CSMD1: variants seen among roughly 807,000 people sequenced by gnomAD.
The protein encoded by CSMD1 is CUB and sushi domain-containing protein 1.
CSMD1 carries 213 observed loss-of-function variants against 417.5 expected under a neutral mutation model. The observed-to-expected ratio is 0.51, with a 90% confidence interval of 0.46 to 0.57. The LOEUF (loss-of-function observed/expected upper bound fraction) is 0.57, where lower values mean the gene tolerates loss of function less well. CSMD1 is among the 20% of genes least tolerant of loss of function. The pLI is 0.00. For synonymous variants in CSMD1, 2,862 were observed against 1,736.8 expected, an observed-to-expected ratio of 1.65 and a Z score of -16.11; for missense variants, 6,923 against 4,529.7, an observed-to-expected ratio of 1.53 and a Z score of -15.17.
intron 3 of CSMD1, among the ~76,000 whole-genome samples, chr8:4,236,068 T>TTTTTTTTTTTTTTTC (rs1802039952): frequency 7.5e-6 from 1 of 132,720 alleles, no homozygotes; most frequent in African/African-American, 2.7e-5. Flanking sequence ...TTTTTTTTTT[T>TTTTTTTTTTTTTTTC]TGTAATTTCA....
intron 5 of CSMD1, among the ~76,000 whole-genome samples, chr8:3,916,017 T>C (rs991959411): frequency 1.3e-5 from 2 of 151,492 alleles, no homozygotes; most frequent in Admixed American, 6.6e-5. Flanking sequence ...AGTTGGAAAA[T>C]GTCACTGCAG....
chr8:4,913,414 T>C (rs1296186971), intron 1 of CSMD1, among the ~76,000 whole-genome samples: 1 of 152,150 alleles, frequency 6.6e-6, no homozygotes, highest in Non-Finnish European at 1.5e-5. Context: ...CCTAGTAAAG[T>C]GCTTGGACAC....
At chr8:4,366,255 T>TC (rs1159610746) in intron 3 of CSMD1, among the ~76,000 whole-genome samples, 1 of 17,040 alleles carries the variant, frequency 5.9e-5, no homozygotes, top group Non-Finnish European at 9.7e-5. Flanking sequence ...GACGTGATTC[T>TC]TTTTTTTTTC....
intron 3 of CSMD1, among the ~76,000 whole-genome samples, chr8:4,184,963 C>G (rs1027156709): frequency 6.6e-6 from 1 of 151,772 alleles, no homozygotes; most frequent in Admixed American, 6.6e-5. Flanking sequence ...TGTGGTGAAA[C>G]CCCATCTCTA....
intron 1 of CSMD1, among the ~76,000 whole-genome samples, chr8:4,976,175 G>C (rs779154642): frequency 3.3e-5 from 5 of 152,126 alleles, no homozygotes; most frequent in African/African-American, 1.2e-4. Flanking sequence ...GAGAGACAAG[G>C]GCTGAAAAAC....
At chr8:4,541,757 A>C (rs912620940) in intron 2 of CSMD1, among the ~76,000 whole-genome samples, 2 of 152,144 alleles carry the variant, frequency 1.3e-5, no homozygotes, top group Non-Finnish European at 2.9e-5. Flanking sequence ...AATAAGATAA[A>C]GAAAAAAAGA....
intron 6 of CSMD1, among the ~76,000 whole-genome samples, chr8:3,748,735 C>G (rs1797175500): frequency 6.6e-6 from 1 of 152,168 alleles, no homozygotes; most frequent in Admixed American, 6.6e-5. Flanking sequence ...CTTTCAATAA[C>G]TCAAAATGCC....
At chr8:3,960,664 G>A (rs1189641850) in intron 5 of CSMD1, among the ~76,000 whole-genome samples, 1 of 151,864 alleles carries the variant, frequency 6.6e-6, no homozygotes, top group Non-Finnish European at 1.5e-5. Flanking sequence ...AAATCAAGAA[G>A]TTATGATAAA....
chr8:3,017,463 T>TAA (rs915605950), intron 52 of CSMD1, among the ~76,000 whole-genome samples: 22 of 152,322 alleles, frequency 1.4e-4, no homozygotes, highest in African/African-American at 5.1e-4. Flanking sequence ...CTCATATATA[T>TAA]AATTGTGTTC....
intron 12 of CSMD1, among the ~76,000 whole-genome samples, chr8:3,447,443 G>C (rs1258470807): frequency 6.6e-6 from 1 of 152,306 alleles, no homozygotes; most frequent in African/African-American, 2.4e-5. Context: ...TTTAGATAAA[G>C]TGGAAAATGA....
chr8:4,715,417 T>C (rs1371784685), intron 1 of CSMD1, among the ~76,000 whole-genome samples: 1 of 152,212 alleles, frequency 6.6e-6, no homozygotes. Context: ...CCTTTATTCA[T>C]CTCTGTTTTC....
chr8:3,690,084 C>T (rs543409238), intron 7 of CSMD1, among the ~76,000 whole-genome samples: 1 of 152,130 alleles, frequency 6.6e-6, no homozygotes, highest in East Asian at 1.9e-4. Flanking sequence ...CTAGGCTGCG[C>T]GTAGTGGCCA....
At chr8:4,977,196 A>T (rs1810610081) in intron 1 of CSMD1, among the ~76,000 whole-genome samples, 1 of 152,214 alleles carries the variant, frequency 6.6e-6, no homozygotes, top group Non-Finnish European at 1.5e-5. Flanking sequence ...GTTTATATTA[A>T]TTTATATTTA....
chr8:3,422,580 G>C (rs773681006), intron 12 of CSMD1, among the ~76,000 whole-genome samples: 1 of 152,160 alleles, frequency 6.6e-6, no homozygotes, highest in African/African-American at 2.4e-5. Context: ...TTTTGAAAAA[G>C]AGCATGTTAC....
At chr8:4,410,676 A>G (rs1796604737) in intron 3 of CSMD1, among the ~76,000 whole-genome samples, 1 of 152,214 alleles carries the variant, frequency 6.6e-6, no homozygotes, top group African/African-American at 2.4e-5. Context: ...ACACAAGAGT[A>G]TACTGGAAAA....
At chr8:4,464,138 A>T (rs1285660722) in intron 2 of CSMD1, among the ~76,000 whole-genome samples, 1 of 147,042 alleles carries the variant, frequency 6.8e-6, no homozygotes, top group Non-Finnish European at 1.5e-5. Context: ...TCGAAGGCTT[A>T]TCCCTCCAGC....
At chr8:3,765,452 A>G (rs934607032) in intron 5 of CSMD1, among the ~76,000 whole-genome samples, 1 of 152,086 alleles carries the variant, frequency 6.6e-6, no homozygotes, top group African/African-American at 2.4e-5. Flanking sequence ...TTACATTATT[A>G]ATGGTTGTGT....
rs1276879930 is a variant in CSMD1 at position 3,922,073 on chromosome 8, G to A, written c.818+75830C>T. Among the ~76,000 whole-genome samples the A allele has an allele frequency of 2.0e-5, 3 of 152,164 alleles. No homozygotes were observed. The South Asian group carries it at 6.2e-4, about 32-fold the overall frequency. On this transcript the variant is annotated intron_variant, in intron 5 of 69. Coordinates refer to ENST00000635120, the MANE Select transcript of CSMD1 (RefSeq NM_033225.6). ...ATATGTAGGTGCTACAATGTTGGGT[G>A]CATATATAATTTTATATAGTTTTCA...
chr8:4,049,237 C>A (rs1399022136), intron 3 of CSMD1, among the ~76,000 whole-genome samples: 1 of 151,988 alleles, frequency 6.6e-6, no homozygotes, highest in South Asian at 2.1e-4. Flanking sequence ...ACTTCTCAAC[C>A]TTGACATCAC....
Sources: allele counts gnomAD v4.1 joint callset (sites outside exome capture counted in the v4.1 genomes callset), GRCh38; gene constraint gnomAD v4.1.1; transcripts MANE v1.5; gene names NCBI Gene and HGNC (gene_info 2026-07-23, HGNC 2026-07-21).